The following ADAMTSL1 variants were observed in gnomAD, a reference collection of about 807,000 sequenced individuals.
ADAMTSL1 encodes the protein ADAMTS-like protein 1.
In ADAMTSL1, 126 loss-of-function variants were observed where a neutral mutation model predicts 201.8. The ratio of observed to expected loss-of-function variants is 0.62; its 90% confidence interval spans 0.54 to 0.72. The LOEUF (loss-of-function observed/expected upper bound fraction) is 0.72. ADAMTSL1 is among the 30% of genes least tolerant of loss of function. ADAMTSL1 has a pLI of 0.00. For missense variants in ADAMTSL1, 2,679 were observed against 2,277.8 expected (o/e 1.18, Z -3.59); for synonymous variants, 1,121 against 903.4 (o/e 1.24, Z -4.32).
chr9:18,668,057 G>A lies in ADAMTSL1; in HGVS notation c.1085+5984G>A, dbSNP rs75072658. ...CTCCAAAAAAAAAACTCAGTGTAAGGACAAGAAATGGTTGACTTATTTAGC... is the reference window on the plus strand; with the variant it reads ...CTCCAAAAAAAAAACTCAGTGTAAGAACAAGAAATGGTTGACTTATTTAGC... On this transcript the variant is annotated intron_variant, in intron 9 of 28. Coordinates refer to ENST00000380548, the MANE Select transcript of ADAMTSL1 (RefSeq NM_001040272.6). Among the ~76,000 whole-genome samples the A allele has an allele frequency of 8.0e-3, 1,223 of 152,052 alleles. 9 individuals carry two copies. Among genetic ancestry groups the A allele is most frequent in the Non-Finnish European group, 0.015 (997 of 67,984 alleles).
chr9:17,959,905 G>A (rs144215066), intron 1 of ADAMTSL1, among the ~76,000 whole-genome samples: 1 of 152,204 alleles, frequency 6.6e-6, no homozygotes, highest in East Asian at 1.9e-4. Flanking sequence ...CAATGATTTG[G>A]GGACTGCTTA....
intron 2 of ADAMTSL1, among the ~76,000 whole-genome samples, chr9:18,369,966 T>C (rs1265273101): frequency 6.6e-6 from 1 of 152,028 alleles, no homozygotes; most frequent in Non-Finnish European, 1.5e-5. Context: ...TGTGTACACA[T>C]GGACATAAAG....
intron 4 of ADAMTSL1, among the ~76,000 whole-genome samples, chr9:18,586,242 C>A (rs10963651): frequency 6.6e-6 from 1 of 152,150 alleles, no homozygotes; most frequent in Admixed American, 6.5e-5. Flanking sequence ...TCAGCAAAGT[C>A]TCAGGATATA....
In ADAMTSL1 at chr9:18,504,934, C is replaced by G; in HGVS notation, c.169C>G (p.Leu57Val). The G allele has an allele frequency of 6.2e-7, 1 of 1,610,344 alleles. No homozygotes were observed. ...CTGCGGGGGTGGGGCCTCCTACTCT[C>G]TGAGGCGCTGCCTGAGCAGCAAGTA... ...RTCGGGASYSLRRCLSSKSCE... is the reference protein window; with the variant it reads ...RTCGGGASYSVRRCLSSKSCE... The change falls in exon 2 of 29, where the codon CTG becomes GTG. Residue 57 changes from leucine to valine, a missense_variant. Coordinates refer to ENST00000380548, the MANE Select transcript of ADAMTSL1 (RefSeq NM_001040272.6).
At chr9:18,153,242 G>A (rs1237927068) in intron 1 of ADAMTSL1, among the ~76,000 whole-genome samples, 3 of 151,974 alleles carry the variant, frequency 2.0e-5, no homozygotes, top group Non-Finnish European at 4.4e-5. Flanking sequence ...CCATGGAGTG[G>A]AAAGGACATG....
At chr9:18,005,092 C>G (rs568449577) in intron 1 of ADAMTSL1, among the ~76,000 whole-genome samples, 12 of 152,216 alleles carry the variant, frequency 7.9e-5, no homozygotes, top group African/African-American at 2.4e-4. Context: ...CTGACGGTAG[C>G]TTACGCTATA....
At chr9:18,213,784 G>A (rs1284151844) in intron 2 of ADAMTSL1, among the ~76,000 whole-genome samples, 1 of 152,106 alleles carries the variant, frequency 6.6e-6, no homozygotes, top group African/African-American at 2.4e-5. Flanking sequence ...CTGTCGCCCA[G>A]GCTGGAGTGC....
Position 18,155,158 on chromosome 9 carries a change from A to C in ADAMTSL1, c.88-8704A>C, listed in dbSNP as rs111658639. 5.5e-3 allele frequency among the ~76,000 whole-genome samples: 834 copies of C among 152,200 alleles called. 14 individuals are homozygous for C. Among genetic ancestry groups the C allele is most frequent in the African/African-American group, 0.019 (783 of 41,546 alleles). The stretch of plus-strand genomic sequence containing the variant: ...ATTTTGTTTCCTTTGACATACTCAC[A>C]CATACTGATGAGACTTCTAGCCAGT... On this transcript the variant is annotated intron_variant, in intron 1 of 29. Coordinates refer to the ADAMTSL1 transcript ENST00000680146.
At chr9:18,021,123 A>G (rs1277279443) in intron 1 of ADAMTSL1, among the ~76,000 whole-genome samples, 1 of 152,136 alleles carries the variant, frequency 6.6e-6, no homozygotes, top group African/African-American at 2.4e-5. Flanking sequence ...TTGTGCTTTA[A>G]CAGGTGCTTC....
intron 1 of ADAMTSL1, among the ~76,000 whole-genome samples, chr9:18,489,268 A>G (rs961414880): frequency 6.6e-6 from 1 of 152,178 alleles, no homozygotes; most frequent in Admixed American, 6.5e-5. Context: ...CCCTGTGAAA[A>G]TCAAAAACTT....
chr9:18,172,832 G>C (rs535270847), intron 2 of ADAMTSL1, among the ~76,000 whole-genome samples: 103 of 152,070 alleles, frequency 6.8e-4, no homozygotes, highest in African/African-American at 2.4e-3. Flanking sequence ...AATATTCAGG[G>C]GGAAGGGATA....
intron 1 of ADAMTSL1, among the ~76,000 whole-genome samples, chr9:17,950,127 G>A (rs1176230852): frequency 6.6e-6 from 1 of 151,982 alleles, no homozygotes; most frequent in African/African-American, 2.4e-5. Context: ...ACCATGTCTC[G>A]AACTCCTGGA....
intron 2 of ADAMTSL1, among the ~76,000 whole-genome samples, chr9:18,428,420 G>A (rs58169982): frequency 0.016 from 1,939 of 123,516 alleles, 45 homozygotes; most frequent in African/African-American, 0.054. Flanking sequence ...AATATTGTGA[G>A]ACCCCTATGT....
Position 18,794,974 on chromosome 9 carries a change from G to A in ADAMTSL1, c.3678-423G>A, listed in dbSNP as rs534630874. On this transcript the variant is annotated intron_variant, in intron 19 of 28. Coordinates refer to ENST00000380548, the MANE Select transcript of ADAMTSL1 (RefSeq NM_001040272.6). ...CTGTCTTGATCTCTGGAAGCCCTAC[G>A]TTCTTTCAACCATCCAACCAAGCTC... 3.3e-5 allele frequency among the ~76,000 whole-genome samples: 5 copies of A among 152,212 alleles called. 1 individual carries two copies. Among genetic ancestry groups the A allele is most frequent in the African/African-American group, 1.2e-4 (5 of 41,546 alleles).
chr9:18,656,529 T>C (rs1310174989), intron 7 of ADAMTSL1, among the ~76,000 whole-genome samples: 1 of 146,776 alleles, frequency 6.8e-6, no homozygotes, highest in Non-Finnish European at 1.5e-5. Context: ...CTCGGGAGGC[T>C]GAGGCAGAAG....
At chr9:18,750,358 T>C (rs888089862) in intron 15 of ADAMTSL1, among the ~76,000 whole-genome samples, 4 of 152,226 alleles carry the variant, frequency 2.6e-5, no homozygotes, top group Admixed American at 2.6e-4. Context: ...GCTTTTGAGC[T>C]TATGATATAA....
intron 2 of ADAMTSL1, among the ~76,000 whole-genome samples, chr9:18,463,527 G>A (rs1044381269): frequency 2.0e-5 from 3 of 151,848 alleles, no homozygotes; most frequent in African/African-American, 7.3e-5. Context: ...CCCATACCCC[G>A]TTAAACGTTA....
intron 13 of ADAMTSL1, among the ~76,000 whole-genome samples, chr9:18,687,713 C>T (rs1400242724): frequency 6.6e-6 from 1 of 152,106 alleles, no homozygotes; most frequent in Non-Finnish European, 1.5e-5. Context: ...AATGTAAGGA[C>T]AAGATTGGTT....
intron 2 of ADAMTSL1, among the ~76,000 whole-genome samples, chr9:18,255,400 T>A (rs1242684922): frequency 6.6e-6 from 1 of 152,030 alleles, no homozygotes; most frequent in Non-Finnish European, 1.5e-5. Context: ...CAGACGAAAC[T>A]CTCAGCAGGT....
Sources: gnomAD v4.1 joint callset for allele counts (sites outside exome capture counted in the v4.1 genomes callset) on GRCh38, gnomAD v4.1.1 for gene constraint, MANE v1.5 for transcripts, NCBI Gene and HGNC (gene_info 2026-07-23, HGNC 2026-07-21) for gene names.